Variants in ASB1 observed in about 807,000 individuals in gnomAD.
The protein encoded by ASB1 is ankyrin repeat and SOCS box containing 1, also known as ankyrin repeat and SOCS box protein 1.
In ASB1, 18 loss-of-function variants were observed where a neutral mutation model predicts 27.7. That is an observed-to-expected ratio of 0.65 (90% CI 0.45 to 0.96). ASB1 has a LOEUF of 0.96. ASB1 is among the 50% of genes least tolerant of loss of function. The pLI, the probability that ASB1 is intolerant of heterozygous loss-of-function variation, is 0.00. For synonymous variants in ASB1, 189 were observed against 187.6 expected (o/e 1.01, Z -0.06); for missense variants, 397 against 451.7 (o/e 0.88, Z 1.10).
Position 238,435,684 on chromosome 2 carries a change from A to G in ASB1, c.192-27A>G, listed in dbSNP as rs763232784. ...CGTCCCTGTCCTGCGGCTGCCTCTC[A>G]TGAGCCCCCTTGTGTTCCTCCTGCA... On this transcript the variant is annotated intron_variant, in intron 2 of 4. Coordinates refer to ENST00000264607, the MANE Select transcript of ASB1 (RefSeq NM_001040445.3). 1.5e-5 allele frequency: 24 copies of G among 1,592,760 alleles called. No individual in the cohort carries two copies. In the South Asian group the frequency reaches 2.5e-4, roughly 17 times the overall value.
chr2:238,428,666 G>A (rs1701809519), intron 1 of ASB1, among the ~76,000 whole-genome samples: 1 of 152,170 alleles, frequency 6.6e-6, no homozygotes, highest in Admixed American at 6.5e-5. Context: ...CGGGTAGAGG[G>A]GCAACAGATT....
At chr2:238,438,199 A>G (rs73091001) in intron 3 of ASB1, among the ~76,000 whole-genome samples, 3 of 98,198 alleles carry the variant, frequency 3.1e-5, no homozygotes, top group African/African-American at 1.2e-4. Context: ...GATGCCCTTC[A>G]TTTTTTTTTT....
Position 238,427,015 on chromosome 2 carries a change from C to A in ASB1, c.-56C>A. On this transcript the variant is annotated 5_prime_UTR_variant, in exon 1 of 5. Coordinates refer to ENST00000264607, the MANE Select transcript of ASB1 (RefSeq NM_001040445.3). ...CCGGAAGTGGTCGCGGGTCGTTCTG[C>A]TTCCTGCCCGAGGGGCGTGCGCGGG... 1 of 1,225,524 alleles carries A rather than the reference C, an allele frequency of 8.2e-7. No homozygotes were observed. The allele number at this position is 1,225,524 out of a possible 1,614,324, so 75.9% of individuals were successfully genotyped here.
intron 3 of ASB1, among the ~76,000 whole-genome samples, chr2:238,439,304 G>A (rs1035792534): frequency 2.1e-4 from 32 of 152,234 alleles, no homozygotes; most frequent in African/African-American, 7.0e-4. Context: ...TGGTGTTTGT[G>A]TTTGTAGTGG....
rs949486218 is a variant in ASB1, at chr2:238,427,025, G to C, written c.-46G>C. The C allele has an allele frequency of 1.1e-5, 13 of 1,235,474 alleles. No homozygotes were observed. Among genetic ancestry groups the C allele is most frequent in the Non-Finnish European group, 1.3e-5 (13 of 988,406 alleles). The allele number at this position is 1,235,474 out of a possible 1,614,324, so 76.5% of individuals were successfully genotyped here. On this transcript the variant is annotated 5_prime_UTR_variant, in exon 1 of 5. Coordinates refer to ENST00000264607, the MANE Select transcript of ASB1 (RefSeq NM_001040445.3). ...TCGCGGGTCGTTCTGCTTCCTGCCC[G>C]AGGGGCGTGCGCGGGTCAGGGGCGG...
intron 3 of ASB1, among the ~76,000 whole-genome samples, chr2:238,440,074 T>G (rs1702051132): frequency 6.6e-6 from 1 of 152,238 alleles, no homozygotes; most frequent in African/African-American, 2.4e-5. Context: ...ATCTCTGTCC[T>G]TTTAACATGA....
intron 1 of ASB1, among the ~76,000 whole-genome samples, chr2:238,429,606 TAA>T (rs1373777228): frequency 1.3e-5 from 2 of 152,122 alleles, no homozygotes; most frequent in Non-Finnish European, 2.9e-5. Flanking sequence ...AGTGCATATA[TAA>T]GTTATGTTTA....
chr2:238,436,310 T>G, intron 3 of ASB1, among the ~76,000 whole-genome samples: 1 of 152,132 alleles, frequency 6.6e-6, no homozygotes, highest in Non-Finnish European at 1.5e-5. Context: ...TACTATAGTT[T>G]TGACCATCCT....
At chr2:238,428,174 C>G (rs1701798449) in intron 1 of ASB1, among the ~76,000 whole-genome samples, 1 of 152,230 alleles carries the variant, frequency 6.6e-6, no homozygotes, top group African/African-American at 2.4e-5. Context: ...AGGATGTCAT[C>G]TCATGTGAGA....
chr2:238,435,089 G>A (rs1245040145), intron 2 of ASB1: 2 of 152,306 alleles, frequency 1.3e-5, no homozygotes, highest in Non-Finnish European at 2.9e-5. Context: ...CTGGGTCGGT[G>A]GGTGGGGCAG....
rs551551395 is a variant in ASB1, at chr2:238,427,230, G to T, written c.49+111G>T. The T allele has an allele frequency of 1.2e-5, 10 of 827,348 alleles. No individual in the cohort carries two copies. In the South Asian group the frequency reaches 6.1e-4, roughly 51 times the overall value. The allele number at this position is 827,348 out of a possible 1,614,324, so 51.3% of individuals were successfully genotyped here. A position where few individuals can be genotyped will look rare whatever the true frequency, so the allele number is the denominator to read the frequency against. ...TCGTCCCGGGCTGGCCGGGTCCACGGGGCAGCCAGGGAGCCGCACCCTGCA... is the reference window on the plus strand; with the variant it reads ...TCGTCCCGGGCTGGCCGGGTCCACGTGGCAGCCAGGGAGCCGCACCCTGCA... On this transcript the variant is annotated intron_variant, in intron 1 of 4. Coordinates refer to ENST00000264607, the MANE Select transcript of ASB1 (RefSeq NM_001040445.3).
chr2:238,428,875 C>T (rs1701813329), intron 1 of ASB1, among the ~76,000 whole-genome samples: 1 of 152,120 alleles, frequency 6.6e-6, no homozygotes, highest in African/African-American at 2.4e-5. Context: ...GTCCTGTGGC[C>T]GCCATTTACC....
intron 3 of ASB1, among the ~76,000 whole-genome samples, chr2:238,440,959 G>T (rs937040734): frequency 6.6e-6 from 1 of 152,270 alleles, no homozygotes; most frequent in African/African-American, 2.4e-5. Context: ...CTGCCCTGCC[G>T]ACAAGCTGTG....
chr2:238,443,540 A>G (rs966863927), intron 3 of ASB1, among the ~76,000 whole-genome samples: 2 of 152,182 alleles, frequency 1.3e-5, no homozygotes, highest in African/African-American at 4.8e-5. Context: ...CTTTAACACC[A>G]GTGTTCAACA....
rs1337252925 is a variant in ASB1 at position 238,451,709 on chromosome 2, G to A, written c.*5198G>A. 6.6e-6 allele frequency: 1 copy of A among 152,606 alleles called. No homozygotes were observed. Among genetic ancestry groups the A allele is most frequent in the Non-Finnish European group, 1.5e-5 (1 of 68,046 alleles). 9.5% of individuals were successfully genotyped at this position (152,606 alleles called of 1,614,324 possible). ...TAATGAACACTTTTGATATGATATT[G>A]TAACTTTAGTAAATGCTTTACTTCC... On this transcript the variant is annotated 3_prime_UTR_variant, in exon 5 of 5. Transcript: ENST00000264607.
intron 3 of ASB1, among the ~76,000 whole-genome samples, chr2:238,436,660 GCTT>G (rs1239750279): frequency 5.3e-5 from 8 of 152,008 alleles, no homozygotes; most frequent in East Asian, 1.9e-4. Flanking sequence ...CACAATGCTG[GCTT>G]CTTCTTATTT....
chr2:238,445,987 G>T (rs1211407020), intron 4 of ASB1, among the ~76,000 whole-genome samples: 1 of 152,230 alleles, frequency 6.6e-6, no homozygotes, highest in African/African-American at 2.4e-5. Flanking sequence ...CCAGGCACTG[G>T]TGGAGCTTCA....
At chr2:238,438,523 G>A (rs528159569) in intron 3 of ASB1, among the ~76,000 whole-genome samples, 4 of 152,154 alleles carry the variant, frequency 2.6e-5, no homozygotes, top group Admixed American at 6.5e-5. Context: ...TTGCGAAAAC[G>A]TTACTAAGAC....
In ASB1 at chr2:238,449,705, G is replaced by GT. The variant is rs1230714646; in HGVS notation, c.*3200dup. The GT allele has an allele frequency of 6.6e-6, 1 of 152,140 alleles. No homozygotes were observed. Among genetic ancestry groups the GT allele is most frequent in the Admixed American group, 6.5e-5 (1 of 15,278 alleles). The allele number at this position is 152,140 out of a possible 1,614,324, so 9.4% of individuals were successfully genotyped here. A position where few individuals can be genotyped will look rare whatever the true frequency, so the allele number is the denominator to read the frequency against. On this transcript the variant is annotated 3_prime_UTR_variant, in exon 5 of 5. Coordinates refer to ENST00000264607, the MANE Select transcript of ASB1 (RefSeq NM_001040445.3). ...AAAAGTGTTTAAGGCAACAATGCTT[G>GT]TTTTTTGGTGTTTTCTTTTGACATT... is the stretch of plus-strand genomic sequence containing the variant.
Sources: allele counts gnomAD v4.1 joint callset (sites outside exome capture counted in the v4.1 genomes callset), GRCh38; gene constraint gnomAD v4.1.1; transcripts MANE v1.5; gene names NCBI Gene and HGNC (gene_info 2026-07-23, HGNC 2026-07-21).